GNB4: variants seen among roughly 807,000 people sequenced by gnomAD.
The protein encoded by GNB4 is G protein subunit beta 4.
Under a neutral mutation model 45.2 loss-of-function variants are expected in GNB4, and 28 were observed. The observed-to-expected ratio is 0.62, with a 90% CI of 0.46 to 0.85. GNB4 has a LOEUF of 0.85. GNB4 is among the 40% of genes least tolerant of loss of function. GNB4 has a pLI of 0.00. For missense variants in GNB4, 321 were observed against 425.4 expected (o/e 0.75, Z 2.16); for synonymous variants, 132 against 143.7 (o/e 0.92, Z 0.58).
chr3:179,418,377 G>C (rs1714864486), intron 4 of GNB4, among the ~76,000 whole-genome samples: 1 of 145,572 alleles, frequency 6.9e-6, no homozygotes, highest in African/African-American at 2.5e-5. Flanking sequence ...GGCTGAAGCA[G>C]GAAAATCCCT....
At chr3:179,448,619 C>A (rs538388882) in intron 1 of GNB4, among the ~76,000 whole-genome samples, 82 of 152,200 alleles carry the variant, frequency 5.4e-4, no homozygotes, top group African/African-American at 1.9e-3. Context: ...TTCCAAAACT[C>A]AAAACTATGC....
the GNB4 span, among the ~76,000 whole-genome samples, chr3:179,494,451 T>C: frequency 6.6e-6 from 1 of 150,762 alleles, no homozygotes; most frequent in Non-Finnish European, 1.5e-5. Flanking sequence ...GGTGGGAGGA[T>C]TGCTTGAGGC....
the GNB4 span, among the ~76,000 whole-genome samples, chr3:179,508,757 C>T: frequency 6.6e-6 from 1 of 151,528 alleles, no homozygotes; most frequent in Non-Finnish European, 1.5e-5. Flanking sequence ...TATATTTGCT[C>T]AATGGAATAT....
At chr3:179,488,718 T>A in the GNB4 span, among the ~76,000 whole-genome samples, 8 of 151,960 alleles carry the variant, frequency 5.3e-5, 1 homozygote, top group East Asian at 1.4e-3. Flanking sequence ...TGCATGGCGG[T>A]TCAGGCCTGT....
chr3:179,429,679 C>T (rs1406628367), intron 1 of GNB4, among the ~76,000 whole-genome samples: 3 of 152,112 alleles, frequency 2.0e-5, no homozygotes, highest in Non-Finnish European at 4.4e-5. Flanking sequence ...AAAAGCAAAA[C>T]CCTGGATGAA....
chr3:179,458,392 A>G, the GNB4 span, among the ~76,000 whole-genome samples: 2 of 152,232 alleles, frequency 1.3e-5, no homozygotes, highest in East Asian at 3.8e-4. Context: ...TTGGGAAAAC[A>G]CAGCCCTTTG....
At chr3:179,527,780 GTGTGTATGTA>G in the GNB4 span, among the ~76,000 whole-genome samples, 2 of 116,792 alleles carry the variant, frequency 1.7e-5, no homozygotes, top group Non-Finnish European at 3.4e-5. Flanking sequence ...ATAAGTGCGT[GTGTGTATGTA>G]TGTGTGTGTG....
the GNB4 span, among the ~76,000 whole-genome samples, chr3:179,480,884 C>T: frequency 7.2e-6 from 1 of 138,096 alleles, no homozygotes; most frequent in African/African-American, 2.7e-5. Context: ...CGGAGTCTTG[C>T]TCTGTCACCC....
In GNB4 at chr3:179,398,742, T is replaced by G. The variant is rs1246193959; in HGVS notation, c.*2471A>C. On this transcript the variant is annotated 3_prime_UTR_variant, in exon 10 of 10. Coordinates refer to ENST00000232564, the MANE Select transcript of GNB4 (RefSeq NM_021629.4). ...AAATATATTTAGCAACTGGAGCCCC[T>G]ATTATTAGAAAGCAAAGGTGTAACC... The G allele has an allele frequency of 6.7e-6, 1 of 150,140 alleles. No individual in the cohort carries two copies. The highest frequency in any genetic ancestry group is 1.5e-5 in the Non-Finnish European group (1 of 68,034). The allele number at this position is 150,140 out of a possible 1,614,324, so 9.3% of individuals were successfully genotyped here.
Position 179,445,519 on chromosome 3 carries a change from C to A in GNB4, c.-43+5827G>T, listed in dbSNP as rs929227936. On this transcript the variant is annotated intron_variant, in intron 1 of 9. Transcript: ENST00000232564. ...CAGGCTGGTCTTAAACTCCTAGGCT[C>A]AAGCAATCTGCCTGCCTCAGCCTCC... Among the ~76,000 whole-genome samples the A allele has an allele frequency of 2.6e-5, 4 of 152,290 alleles. No individual in the cohort carries two copies. In the East Asian group the frequency reaches 7.7e-4, roughly 29 times the overall value.
In GNB4 at chr3:179,426,231, G is replaced by A. The variant is rs1317638938; in HGVS notation, c.-31C>T. On this transcript the variant is annotated 5_prime_UTR_variant, in exon 2 of 10. Transcript: ENST00000232564. ...CAATTTGTTTACCTCAGGAGCTAAT[G>A]AGTGAAAACAGCTGTTAAAAAACAG... The A allele has an allele frequency of 2.0e-6, 3 of 1,517,688 alleles. No individual in the cohort carries two copies. Among genetic ancestry groups the A allele is most frequent in the Non-Finnish European group, 1.8e-6 (2 of 1,117,334 alleles). 94.0% of individuals were successfully genotyped at this position (1,517,688 alleles called of 1,614,324 possible). A position where few individuals can be genotyped will look rare whatever the true frequency, so the allele number is the denominator to read the frequency against.
rs796753578 is a variant in GNB4, at chr3:179,421,306, TGA to T, written c.58-381_58-380del. Among the ~76,000 whole-genome samples, 50 of 152,294 alleles carry T rather than the reference TGA, an allele frequency of 3.3e-4. 2 individuals are homozygous for T. Among genetic ancestry groups the T allele is most frequent in the African/African-American group, 1.0e-3 (42 of 41,570 alleles). The stretch of plus-strand genomic sequence containing the variant: ...AATTTGAGAGATGTCAATAAAAATT[TGA>T]GAGACCTCAAATTTTTATACAAACT... On this transcript the variant is annotated intron_variant, in intron 2 of 9. Transcript: ENST00000232564.
the GNB4 span, among the ~76,000 whole-genome samples, chr3:179,476,209 G>A: frequency 6.6e-6 from 1 of 152,204 alleles, no homozygotes; most frequent in Non-Finnish European, 1.5e-5. Flanking sequence ...TTTCCAAAAG[G>A]AGGAAATGGG....
At chr3:179,470,769 A>C in the GNB4 span, among the ~76,000 whole-genome samples, 1 of 151,938 alleles carries the variant, frequency 6.6e-6, no homozygotes, top group Admixed American at 6.6e-5. Flanking sequence ...GGTCTCGATC[A>C]CCGTGCCCGC....
At chr3:179,523,375 T>G in the GNB4 span, among the ~76,000 whole-genome samples, 1 of 151,860 alleles carries the variant, frequency 6.6e-6, no homozygotes, top group Non-Finnish European at 1.5e-5. Context: ...GGATGAAGGG[T>G]GCAAAGGAAT....
At chr3:179,489,000 AAAAAAAAAAAAAAAAAAAAATAT>A in the GNB4 span, among the ~76,000 whole-genome samples, 7 of 34,054 alleles carry the variant, frequency 2.1e-4, 2 homozygotes, top group East Asian at 7.4e-3. Flanking sequence ...AAAAAAAAAA[AAAAAAAAAAAAAAAAAAAAATAT>A]ATATATATAT....
chr3:179,407,789 G>T (rs1021083326), intron 8 of GNB4, among the ~76,000 whole-genome samples: 1 of 151,980 alleles, frequency 6.6e-6, no homozygotes, highest in Non-Finnish European at 1.5e-5. Flanking sequence ...CACCCAAAAA[G>T]ATTACAGGAA....
the GNB4 span, among the ~76,000 whole-genome samples, chr3:179,523,219 C>T: frequency 6.6e-6 from 1 of 151,996 alleles, no homozygotes; most frequent in Non-Finnish European, 1.5e-5. Context: ...AAGAATTATA[C>T]CGAGATAGGT....
the GNB4 span, among the ~76,000 whole-genome samples, chr3:179,526,059 G>A: frequency 6.6e-6 from 1 of 152,236 alleles, no homozygotes; most frequent in Non-Finnish European, 1.5e-5. Context: ...CGAAAAGAGA[G>A]TCAGCAAAGG....
Sources: allele counts gnomAD v4.1 joint callset (sites outside exome capture counted in the v4.1 genomes callset), GRCh38; gene constraint gnomAD v4.1.1; transcripts MANE v1.5; gene names NCBI Gene and HGNC (gene_info 2026-07-23, HGNC 2026-07-21).